Variants in VSNL1 observed in about 807,000 individuals in gnomAD.
The protein encoded by VSNL1 is visinin-like protein 1.
Under a neutral mutation model 20.4 loss-of-function variants are expected in VSNL1, and 6 were observed. That is an observed-to-expected ratio of 0.29 (90% CI 0.16 to 0.58). The LOEUF (loss-of-function observed/expected upper bound fraction) is 0.58, where lower values mean the gene tolerates loss of function less well. VSNL1 is among the 20% of genes least tolerant of loss of function. The probability of loss-of-function intolerance (pLI) is 0.90; values close to 1 mark genes in which losing one functional copy is unlikely to be tolerated. For synonymous variants in VSNL1, 93 were observed against 86.4 expected (o/e 1.08, Z -0.42); for missense variants, 100 against 234.5 (o/e 0.43, Z 3.75).
chr2:17,655,750 C>T lies in VSNL1; in HGVS notation c.*356C>T. 4.4e-6 allele frequency: 1 copy of T among 228,506 alleles called. No homozygotes were observed. The highest frequency in any genetic ancestry group is 6.1e-5 in the South Asian group (1 of 16,404). 14.2% of individuals were successfully genotyped at this position (228,506 alleles called of 1,614,324 possible). On this transcript the variant is annotated 3_prime_UTR_variant, in exon 4 of 4. Coordinates refer to ENST00000295156, the MANE Select transcript of VSNL1 (RefSeq NM_003385.5). This position sits in a 1 kb window ranked among gnomAD's most constrained non-coding sequence, Gnocchi z 5.2. ...GCTAATGCTCGTATCTCCTTGATTA[C>T]ATAATGTTAGTAGCACTGAGACCCC... is the stretch of plus-strand genomic sequence containing the variant.
chr2:17,595,159 C>T (rs2680828), intron 2 of VSNL1, among the ~76,000 whole-genome samples: 44,490 of 152,154 alleles, frequency 0.29, 8,122 homozygotes, highest in East Asian at 0.8. Flanking sequence ...GTCATGAAGA[C>T]ACAGTCACCT....
At chr2:17,574,604 C>T (rs951142003) in intron 1 of VSNL1, among the ~76,000 whole-genome samples, 2 of 152,190 alleles carry the variant, frequency 1.3e-5, no homozygotes, top group Admixed American at 6.5e-5. Flanking sequence ...TGTCCATACA[C>T]CCTGGGATCC....
Position 17,648,422 on chromosome 2 carries a change from C to T in VSNL1, c.163-988C>T, listed in dbSNP as rs1035517654. ...AAGGCTGCTCACCTGGTCCACTTAG[C>T]AGGTGCAAAACTTACGAAGGAAAAG... On this transcript the variant is annotated intron_variant, in intron 2 of 3. Transcript: ENST00000295156. 4.6e-5 allele frequency among the ~76,000 whole-genome samples: 7 copies of T among 152,334 alleles called. No homozygotes were observed. In the East Asian group the frequency reaches 1.2e-3, roughly 25 times the overall value.
intron 2 of VSNL1, among the ~76,000 whole-genome samples, chr2:17,611,003 TG>T (rs1254880360): frequency 3.3e-5 from 5 of 152,246 alleles, no homozygotes; most frequent in Non-Finnish European, 7.3e-5. Context: ...TAATGTTTAT[TG>T]AGACCCTACT....
At chr2:17,645,553 C>T (rs1485476455) in intron 2 of VSNL1, among the ~76,000 whole-genome samples, 1 of 152,244 alleles carries the variant, frequency 6.6e-6, no homozygotes, top group African/African-American at 2.4e-5. Context: ...TTTCTGTGCC[C>T]ACGCTGGGTG....
At chr2:17,612,809 T>C (rs1329502533) in intron 2 of VSNL1, among the ~76,000 whole-genome samples, 4 of 152,274 alleles carry the variant, frequency 2.6e-5, no homozygotes, top group Non-Finnish European at 5.9e-5. Context: ...TCCCAGACGG[T>C]GGATGTGCCC....
Position 17,649,452 on chromosome 2 carries a change from T to C in VSNL1, c.205T>C (p.Phe69Leu). ...GDASKFAQHAFRTFDKNGDGT... is the reference protein window; with the variant it reads ...GDASKFAQHALRTFDKNGDGT... ...CGCCTCCAAGTTTGCCCAGCATGCC[T>C]TCCGAACCTTCGACAAGAATGGGGA... is the stretch of plus-strand genomic sequence containing the variant. The change falls in exon 3 of 4, where the codon TTC (phenylalanine) becomes CTC (leucine). Residue 69 changes from phenylalanine (F) to leucine (L), a missense_variant. By Grantham distance (22) the Phe-to-Leu change is conservative. Transcript: ENST00000295156. The surrounding 1 kb of genome is among the most constrained non-coding windows in gnomAD (Gnocchi z 6.4). The C allele has an allele frequency of 1.2e-6, 2 of 1,614,120 alleles. No homozygotes were observed. The highest frequency in any genetic ancestry group is 1.7e-6 in the Non-Finnish European group (2 of 1,179,994).
rs548071482 is a variant in VSNL1 at position 17,597,922 on chromosome 2, T to G, written c.162+5686T>G. 4.5e-4 allele frequency among the ~76,000 whole-genome samples: 69 copies of G among 152,300 alleles called. 1 individual carries two copies. The highest frequency in any genetic ancestry group is 1.7e-3 in the African/African-American group (69 of 41,562). On this transcript the variant is annotated intron_variant, in intron 2 of 3. Transcript: ENST00000295156. ...ACAAAATATACTGGTGGAATTCCCT[T>G]CAATGAGAAATTTTCCAGGCCTAAG...
intron 1 of VSNL1, among the ~76,000 whole-genome samples, chr2:17,558,233 G>A (rs1485649039): frequency 6.6e-6 from 1 of 152,148 alleles, no homozygotes; most frequent in Admixed American, 6.5e-5. Context: ...ATAGTATCAT[G>A]GAAAGAAATA....
intron 1 of VSNL1, among the ~76,000 whole-genome samples, chr2:17,548,839 A>G (rs759314465): frequency 4.6e-5 from 7 of 152,120 alleles, no homozygotes; most frequent in Non-Finnish European, 1.0e-4. Context: ...AACTGAATCA[A>G]TGCCCTAGCT....
chr2:17,629,689 A>T (rs1219657868), intron 2 of VSNL1, among the ~76,000 whole-genome samples: 1 of 152,184 alleles, frequency 6.6e-6, no homozygotes, highest in East Asian at 1.9e-4. Flanking sequence ...TGCTGGAGGC[A>T]CCTCGTCCAC....
chr2:17,643,795 G>T (rs946957694), intron 2 of VSNL1, among the ~76,000 whole-genome samples: 1 of 152,180 alleles, frequency 6.6e-6, no homozygotes, highest in African/African-American at 2.4e-5. Context: ...ACTGGGCCAA[G>T]GTCAGCAAAG....
intron 1 of VSNL1, among the ~76,000 whole-genome samples, chr2:17,548,540 T>C (rs1663452163): frequency 6.6e-6 from 1 of 152,192 alleles, no homozygotes; most frequent in Non-Finnish European, 1.5e-5. Flanking sequence ...AGTTATCTTA[T>C]ATGAATGTTG....
At chr2:17,559,820 C>T (rs62131509) in intron 1 of VSNL1, among the ~76,000 whole-genome samples, 4,457 of 151,762 alleles carry the variant, frequency 0.029, 64 homozygotes, top group Middle Eastern at 0.052. Flanking sequence ...TCTATCTATC[C>T]CTGAAAAACA....
At chr2:17,589,470 A>G (rs1407847769) in intron 1 of VSNL1, among the ~76,000 whole-genome samples, 2 of 152,164 alleles carry the variant, frequency 1.3e-5, no homozygotes, top group Non-Finnish European at 2.9e-5. Flanking sequence ...GGGGAGGCCA[A>G]TCTTTAATCA....
At chr2:17,580,465 G>A (rs1341387815) in intron 1 of VSNL1, among the ~76,000 whole-genome samples, 1 of 152,222 alleles carries the variant, frequency 6.6e-6, no homozygotes, top group Non-Finnish European at 1.5e-5. Context: ...CCAAAGGCCT[G>A]TGTGAGTTTT....
Position 17,634,959 on chromosome 2 carries a change from C to T in VSNL1, c.163-14451C>T, listed in dbSNP as rs1016921438. On this transcript the variant is annotated intron_variant, in intron 2 of 3. Coordinates refer to ENST00000295156, the MANE Select transcript of VSNL1 (RefSeq NM_003385.5). This position sits in a 1 kb window ranked among gnomAD's most constrained non-coding sequence, Gnocchi z 4.3. The stretch of plus-strand genomic sequence containing the variant: ...TAGCTCGTTTGAACACACATACACA[C>T]GTACACACACATACATGTGCACATA... Among the ~76,000 whole-genome samples the T allele has an allele frequency of 2.0e-5, 3 of 152,160 alleles. No homozygotes were observed. Among genetic ancestry groups the T allele is most frequent in the African/African-American group, 4.8e-5 (2 of 41,430 alleles).
intron 1 of VSNL1, among the ~76,000 whole-genome samples, chr2:17,543,487 T>C (rs1041460731): frequency 1.3e-5 from 2 of 152,048 alleles, no homozygotes; most frequent in Non-Finnish European, 2.9e-5. Flanking sequence ...GTTTCCAGAG[T>C]GGACTTTGCC....
At chr2:17,599,256 G>C (rs1331595729) in intron 2 of VSNL1, among the ~76,000 whole-genome samples, 1 of 152,202 alleles carries the variant, frequency 6.6e-6, no homozygotes. Flanking sequence ...GTCAGAGAGG[G>C]CTGGTTAGGA....
Sources: allele counts gnomAD v4.1 joint callset (sites outside exome capture counted in the v4.1 genomes callset), GRCh38; gene constraint gnomAD v4.1.1; non-coding constraint Gnocchi (gnomAD v3.1); transcripts MANE v1.5; gene names NCBI Gene and HGNC (gene_info 2026-07-23, HGNC 2026-07-21).